The following CTIF variants were observed in gnomAD, a reference collection of about 807,000 sequenced individuals.
The protein encoded by CTIF is cap binding complex dependent translation initiation factor.
CTIF carries 21 observed loss-of-function variants against 66.0 expected under a neutral mutation model. That is an observed-to-expected ratio of 0.32 (90% CI 0.23 to 0.46). The LOEUF is 0.46. Ranked by LOEUF, CTIF falls within the 20% of genes least tolerant of loss-of-function variation. The probability of loss-of-function intolerance (pLI) is 1.00; values close to 1 mark genes in which losing one functional copy is unlikely to be tolerated. For missense variants in CTIF, 739 were observed against 812.7 expected (o/e 0.91, Z 1.10); for synonymous variants, 345 against 326.4 (o/e 1.06, Z -0.62).
chr18:48,551,923 G>T (rs891097002), intron 1 of CTIF, among the ~76,000 whole-genome samples: 2 of 151,860 alleles, frequency 1.3e-5, no homozygotes, highest in Non-Finnish European at 2.9e-5. Context: ...TCAGCCTCCC[G>T]AGTAGCTGGG....
chr18:48,552,271 A>G (rs1030511608), intron 1 of CTIF, among the ~76,000 whole-genome samples: 2 of 152,206 alleles, frequency 1.3e-5, no homozygotes, highest in Admixed American at 6.5e-5. Flanking sequence ...ACTTGGCCAA[A>G]GTTGCATACC....
chr18:48,695,727 C>T (rs768083365), intron 6 of CTIF, among the ~76,000 whole-genome samples: 2 of 152,232 alleles, frequency 1.3e-5, no homozygotes, highest in Non-Finnish European at 2.9e-5. Flanking sequence ...CCGTTGCTAT[C>T]ATTATGATAG....
intron 9 of CTIF, among the ~76,000 whole-genome samples, chr18:48,804,924 G>A (rs1478049491): frequency 2.0e-5 from 3 of 152,210 alleles, no homozygotes; most frequent in Admixed American, 6.5e-5. Context: ...CCCAGGGCCT[G>A]GGAATCCATT....
Position 48,857,574 on chromosome 18 carries a change from C to T in CTIF, c.1528-14C>T. On this transcript the variant is annotated splice_polypyrimidine_tract_variant and intron_variant, in intron 10 of 11. Transcript: ENST00000256413. ...GTCTCCTTCAGTGGTGCTCTCTGCC[C>T]CTCTCTTCCACAGCTCTTGCAATCT... is the stretch of plus-strand genomic sequence containing the variant. 6.2e-7 allele frequency: 1 copy of T among 1,606,760 alleles called. No homozygotes were observed. Among genetic ancestry groups the T allele is most frequent in the Non-Finnish European group, 8.5e-7 (1 of 1,176,476 alleles).
intron 7 of CTIF, among the ~76,000 whole-genome samples, chr18:48,729,310 C>T (rs1266338689): frequency 6.6e-6 from 1 of 152,148 alleles, no homozygotes; most frequent in South Asian, 2.1e-4. Flanking sequence ...CACACTCACA[C>T]ATGTAATTAT....
chr18:48,713,214 C>T (rs1280765657), intron 7 of CTIF, among the ~76,000 whole-genome samples: 1 of 152,112 alleles, frequency 6.6e-6, no homozygotes, highest in African/African-American at 2.4e-5. Flanking sequence ...AGAGCAAAGG[C>T]TTTATGTCCT....
At chr18:48,834,516 C>G (rs2068767247) in intron 10 of CTIF, among the ~76,000 whole-genome samples, 1 of 152,194 alleles carries the variant, frequency 6.6e-6, no homozygotes, top group Admixed American at 6.5e-5. Context: ...CTCCTCTCCT[C>G]CAGATGGTTT....
chr18:48,727,702 GAGA>G (rs1244743022), intron 7 of CTIF, among the ~76,000 whole-genome samples: 10 of 152,190 alleles, frequency 6.6e-5, no homozygotes, highest in African/African-American at 2.4e-4. Flanking sequence ...TTGTTTGACT[GAGA>G]AGATCTTTAA....
In CTIF at chr18:48,619,673, G is replaced by C. The variant is rs144987594; in HGVS notation, c.108G>C (p.Gln36His). Residue 36 changes from glutamine (Q) to histidine (H), a missense_variant, in exon 2 of 12, where the codon CAG becomes CAC. Coordinates refer to ENST00000256413, the MANE Select transcript of CTIF (RefSeq NM_014772.3). ...RFIDSYVLEY[Q>H]VQGLLADKTE... ...TCGACAGCTACGTGCTGGAGTACCA[G>C]GTGCAGGGGCTGCTGGCTGACAAGA... The C allele has an allele frequency of 2.6e-5, 41 of 1,607,654 alleles. No individual in the cohort carries two copies. The highest frequency in any genetic ancestry group is 3.5e-5 in the Non-Finnish European group (41 of 1,177,372).
chr18:48,730,678 C>T lies in CTIF; in HGVS notation c.584+18983C>T, dbSNP rs1401629473. Among the ~76,000 whole-genome samples the T allele has an allele frequency of 1.8e-4, 24 of 132,478 alleles. 1 individual carries two copies. Among genetic ancestry groups the T allele is most frequent in the East Asian group, 1.8e-3 (8 of 4,528 alleles). The allele number at this position is 132,478 out of a possible 152,430, so 86.9% of individuals were successfully genotyped here. A position where few individuals can be genotyped will look rare whatever the true frequency, so the allele number is the denominator to read the frequency against. On this transcript the variant is annotated intron_variant, in intron 7 of 11. Coordinates refer to ENST00000256413, the MANE Select transcript of CTIF (RefSeq NM_014772.3). ...GCTTCTGCGGTGTGAGGGGCTTCTG[C>T]GGTGTGAGGAGCCCCTGAGGTGTGA...
intron 6 of CTIF, among the ~76,000 whole-genome samples, chr18:48,697,784 G>C (rs1441125476): frequency 6.6e-6 from 1 of 152,168 alleles, no homozygotes; most frequent in Admixed American, 6.5e-5. Flanking sequence ...TCTCCTGAGA[G>C]ATGACATGTG....
intron 2 of CTIF, among the ~76,000 whole-genome samples, chr18:48,624,088 GCCCCTCCCCATGCTTGACACCACA>G (rs1241988981): frequency 0.017 from 1,340 of 79,330 alleles, 61 homozygotes; most frequent in African/African-American, 0.056. Context: ...TTGACACCAC[GCCCCTCCCCATGCTTGACACCACA>G]CCCCTCCCCA....
At chr18:48,688,705 T>C (rs2091881962) in intron 6 of CTIF, among the ~76,000 whole-genome samples, 3 of 152,232 alleles carry the variant, frequency 2.0e-5, no homozygotes, top group Non-Finnish European at 1.5e-5. Context: ...CCACACATCC[T>C]GTAGTTTCTT....
chr18:48,763,460 C>A (rs78027998), intron 9 of CTIF, among the ~76,000 whole-genome samples: 1,589 of 152,352 alleles, frequency 0.01, 29 homozygotes, highest in African/African-American at 0.036. Flanking sequence ...CTCAATCAAC[C>A]ACAACGTGCA....
chr18:48,782,515 C>A (rs1435200249), intron 9 of CTIF, among the ~76,000 whole-genome samples: 4 of 152,194 alleles, frequency 2.6e-5, no homozygotes, highest in African/African-American at 9.7e-5. Context: ...AGACTGTGAG[C>A]GGGAGAGAAG....
At chr18:48,636,778 T>G (rs1168580287) in intron 3 of CTIF, 93 bp downstream of exon 3, 2 of 941,918 alleles carry the variant, frequency 2.1e-6, no homozygotes, top group Non-Finnish European at 3.0e-6. Flanking sequence ...TGAGGAGTGG[T>G]GACATGGAGA....
intron 6 of CTIF, among the ~76,000 whole-genome samples, chr18:48,684,801 T>C (rs2091808475): frequency 6.6e-6 from 1 of 152,212 alleles, no homozygotes; most frequent in South Asian, 2.1e-4. Context: ...TTTTCTTAAT[T>C]CCTTGAAGAG....
At chr18:48,603,099 GTGGGTGGGTGAATGGA>G (rs2090126713) in intron 1 of CTIF, among the ~76,000 whole-genome samples, 4 of 146,774 alleles carry the variant, frequency 2.7e-5, no homozygotes, top group South Asian at 4.5e-4. Context: ...GGCTAGATGG[GTGGGTGGGTGAATGGA>G]TGGATGAATG....
chr18:48,675,787 TG>T (rs1356899832), intron 6 of CTIF, among the ~76,000 whole-genome samples: 1 of 152,012 alleles, frequency 6.6e-6, no homozygotes, highest in African/African-American at 2.4e-5. Flanking sequence ...CCCACTGGGG[TG>T]GGGCTGGGGG....
Sources: allele counts gnomAD v4.1 joint callset (sites outside exome capture counted in the v4.1 genomes callset), GRCh38; gene constraint gnomAD v4.1.1; transcripts MANE v1.5; gene names NCBI Gene and HGNC (gene_info 2026-07-23, HGNC 2026-07-21).